The following GAB1 variants were observed in gnomAD, a reference collection of about 807,000 sequenced individuals.
GAB1 encodes GRB2 associated binding protein 1.
Under a neutral mutation model 66.5 loss-of-function variants are expected in GAB1, and 19 were observed. The ratio of observed to expected loss-of-function variants is 0.29; its 90% CI spans 0.20 to 0.42. GAB1 has a LOEUF of 0.42. Among genes scored for constraint, GAB1 ranks in the 10% least tolerant of loss-of-function variants. GAB1 has a pLI of 1.00. For synonymous variants in GAB1, 294 were observed against 301.4 expected (o/e 0.98, Z 0.25); for missense variants, 732 against 858.5 (o/e 0.85, Z 1.84).
chr4:143,463,680 C>G (rs1427943593), intron 8 of GAB1, among the ~76,000 whole-genome samples: 1 of 150,866 alleles, frequency 6.6e-6, no homozygotes, highest in African/African-American at 2.4e-5. Context: ...TCAAAGAACA[C>G]TTATAATACC....
intron 1 of GAB1, among the ~76,000 whole-genome samples, chr4:143,374,806 A>G (rs1730341704): frequency 2.6e-5 from 4 of 152,214 alleles, no homozygotes; most frequent in Admixed American, 2.6e-4. Context: ...ATACGTCTCA[A>G]AGTATTCTAG....
chr4:143,466,763 T>G (rs1354842903), intron 9 of GAB1, among the ~76,000 whole-genome samples: 1 of 152,122 alleles, frequency 6.6e-6, no homozygotes, highest in Non-Finnish European at 1.5e-5. Flanking sequence ...AGTGCTGGGA[T>G]TACAGGCAGG....
intron 6 of GAB1, among the ~76,000 whole-genome samples, chr4:143,444,354 A>G (rs1734396148): frequency 6.6e-6 from 1 of 152,154 alleles, no homozygotes. Flanking sequence ...AACATTAGTT[A>G]CTATACTGAC....
Position 143,387,999 on chromosome 4 carries a change from G to T in GAB1, c.73-27478G>T, listed in dbSNP as rs369432875. ...ATTTGGGACTATGGCTTAGCACATG[G>T]TAGAACATTCATGGCTGGGCAGAGG... On this transcript the variant is annotated intron_variant, in intron 1 of 9. Coordinates refer to ENST00000262994, the MANE Select transcript of GAB1 (RefSeq NM_002039.4). Among the ~76,000 whole-genome samples the T allele has an allele frequency of 4.6e-5, 7 of 152,248 alleles. 1 individual carries two copies. The highest frequency in any genetic ancestry group is 2.0e-4 in the Admixed American group (3 of 15,294).
At chr4:143,434,730 C>T (rs1733855063) in intron 3 of GAB1, among the ~76,000 whole-genome samples, 1 of 152,036 alleles carries the variant, frequency 6.6e-6, no homozygotes, top group African/African-American at 2.4e-5. Context: ...CAAGCCTGTC[C>T]CAAATTCTTG....
intron 1 of GAB1, among the ~76,000 whole-genome samples, chr4:143,408,304 A>G (rs1732173473): frequency 6.6e-6 from 1 of 152,260 alleles, no homozygotes; most frequent in African/African-American, 2.4e-5. Context: ...TATAAAAGCA[A>G]TAAATGGAAA....
chr4:143,338,045 G>A (rs1456931768), intron 1 of GAB1, among the ~76,000 whole-genome samples: 1 of 152,162 alleles, frequency 6.6e-6, no homozygotes, highest in Non-Finnish European at 1.5e-5. Context: ...CTTTCCCAGG[G>A]AACCAGAGTG....
intron 2 of GAB1, among the ~76,000 whole-genome samples, chr4:143,421,888 A>G (rs2149727606): frequency 6.6e-6 from 1 of 151,920 alleles, no homozygotes; most frequent in Middle Eastern, 3.4e-3. Context: ...AGTCTCCAAG[A>G]ATATTTCACA....
At chr4:143,448,181 A>G (rs1223228797) in intron 6 of GAB1, among the ~76,000 whole-genome samples, 1 of 151,866 alleles carries the variant, frequency 6.6e-6, no homozygotes, top group Non-Finnish European at 1.5e-5. Context: ...GTGCTGCTGA[A>G]TTCTGTTTGC....
chr4:143,342,935 A>G (rs961873882), intron 1 of GAB1, among the ~76,000 whole-genome samples: 3 of 152,172 alleles, frequency 2.0e-5, no homozygotes, highest in African/African-American at 7.2e-5. Flanking sequence ...GACAGCCAGA[A>G]GGAGCATTGT....
At chr4:143,388,686 A>G (rs1315801499) in intron 1 of GAB1, among the ~76,000 whole-genome samples, 1 of 152,170 alleles carries the variant, frequency 6.6e-6, no homozygotes, top group Non-Finnish European at 1.5e-5. Flanking sequence ...AAGTTCTGGG[A>G]TTATAGGCAT....
intron 1 of GAB1, among the ~76,000 whole-genome samples, chr4:143,370,876 A>C (rs1730091303): frequency 6.6e-6 from 1 of 151,872 alleles, no homozygotes; most frequent in Non-Finnish European, 1.5e-5. Flanking sequence ...AAGGACATGA[A>C]CTCATCCTTT....
intron 1 of GAB1, among the ~76,000 whole-genome samples, chr4:143,399,763 T>C (rs1424960878): frequency 1.3e-5 from 2 of 152,190 alleles, no homozygotes; most frequent in African/African-American, 4.8e-5. Flanking sequence ...ACAAGTTAAA[T>C]GGTAATTTTA....
intron 2 of GAB1, among the ~76,000 whole-genome samples, chr4:143,428,495 C>A (rs903709362): frequency 2.0e-5 from 3 of 152,100 alleles, no homozygotes; most frequent in East Asian, 1.9e-4. Context: ...AAAAAGGAAA[C>A]CTCTGGGTGA....
At chr4:143,385,590 C>G (rs1351532611) in intron 1 of GAB1, among the ~76,000 whole-genome samples, 1 of 152,108 alleles carries the variant, frequency 6.6e-6, no homozygotes, top group Non-Finnish European at 1.5e-5. Flanking sequence ...TCTTCACAGT[C>G]AAAGATGGCT....
intron 6 of GAB1, among the ~76,000 whole-genome samples, chr4:143,449,231 A>AGGTGT (rs1222310797): frequency 2.0e-5 from 3 of 151,234 alleles, no homozygotes; most frequent in Non-Finnish European, 4.4e-5. Context: ...ATTTTGGAAT[A>AGGTGT]GGTGTGGTGT....
intron 6 of GAB1, among the ~76,000 whole-genome samples, chr4:143,457,459 C>G (rs1442457076): frequency 6.6e-6 from 1 of 152,158 alleles, no homozygotes; most frequent in African/African-American, 2.4e-5. Flanking sequence ...TTGCTGCTTA[C>G]ATTGTTGCAT....
chr4:143,471,194 C>A lies in GAB1; in HGVS notation c.*2005C>A, dbSNP rs1213861879. 6.6e-6 allele frequency: 1 copy of A among 152,080 alleles called. No homozygotes were observed. The highest frequency in any genetic ancestry group is 1.9e-4 in the East Asian group (1 of 5,192). 9.4% of individuals were successfully genotyped at this position (152,080 alleles called of 1,614,324 possible). ...ACAGCTGCCTATCAAGGGTCTAAAGCACTTAATGAATGTTTTTAGTCTAAC... is the reference window on the plus strand; with the variant it reads ...ACAGCTGCCTATCAAGGGTCTAAAGAACTTAATGAATGTTTTTAGTCTAAC... On this transcript the variant is annotated 3_prime_UTR_variant, in exon 10 of 10. Transcript: ENST00000262994.
At chr4:143,396,824 A>G (rs1731478815) in intron 1 of GAB1, among the ~76,000 whole-genome samples, 1 of 152,216 alleles carries the variant, frequency 6.6e-6, no homozygotes, top group South Asian at 2.1e-4. Context: ...CTTATTGAGC[A>G]CTGAGGCAGT....
Sources: gnomAD v4.1 joint callset for allele counts (sites outside exome capture counted in the v4.1 genomes callset) on GRCh38, gnomAD v4.1.1 for gene constraint, MANE v1.5 for transcripts, NCBI Gene and HGNC (gene_info 2026-07-23, HGNC 2026-07-21) for gene names.